SNX29: variants seen among roughly 807,000 people sequenced by gnomAD.
The protein encoded by SNX29 is sorting nexin 29, also known as sorting nexin-29.
A neutral mutation model predicts 102.1 loss-of-function variants in SNX29; 78 were observed. That is an observed-to-expected ratio of 0.76 (90% confidence interval 0.64 to 0.92). SNX29 has a LOEUF of 0.92. Ranked by LOEUF, SNX29 falls within the 40% of genes least tolerant of loss-of-function variation. The pLI is 0.00. For missense variants in SNX29, 1,280 were observed against 1,061.7 expected (o/e 1.21, Z -2.86); for synonymous variants, 580 against 414.5 (o/e 1.40, Z -4.85).
At chr16:12,436,191 TGCA>T (rs1203666101) in intron 18 of SNX29, among the ~76,000 whole-genome samples, 1 of 152,132 alleles carries the variant, frequency 6.6e-6, no homozygotes, top group Non-Finnish European at 1.5e-5. Flanking sequence ...TATGCTCTGC[TGCA>T]GCCCCCGGAA....
chr16:12,378,280 G>A (rs949278135), intron 16 of SNX29, among the ~76,000 whole-genome samples: 2 of 152,188 alleles, frequency 1.3e-5, no homozygotes, highest in African/African-American at 4.8e-5. Context: ...GCTGGTATGT[G>A]CAGAGATCAC....
chr16:12,516,946 T>C (rs1219646778), intron 19 of SNX29, among the ~76,000 whole-genome samples: 1 of 152,238 alleles, frequency 6.6e-6, no homozygotes, highest in Non-Finnish European at 1.5e-5. Flanking sequence ...CTATTCTTCA[T>C]TTGATGATAA....
At chr16:12,223,047 T>C (rs534494277) in intron 14 of SNX29, among the ~76,000 whole-genome samples, 2 of 152,356 alleles carry the variant, frequency 1.3e-5, no homozygotes, top group African/African-American at 2.4e-5. Context: ...CTCTGGCTCT[T>C]GTCTCCTTTT....
chr16:12,280,077 GT>G (rs1244356861), intron 15 of SNX29, among the ~76,000 whole-genome samples: 1 of 152,204 alleles, frequency 6.6e-6, no homozygotes, highest in African/African-American at 2.4e-5. Flanking sequence ...TTGATTGGGT[GT>G]TTGACCCTCT....
chr16:12,144,442 G>A (rs1015899007), intron 13 of SNX29, among the ~76,000 whole-genome samples: 2 of 152,218 alleles, frequency 1.3e-5, no homozygotes, highest in Admixed American at 6.5e-5. Context: ...AGTATAAAAA[G>A]GTGGTACCAC....
At chr16:12,218,995 C>T (rs535097329) in intron 14 of SNX29, among the ~76,000 whole-genome samples, 82 of 152,172 alleles carry the variant, frequency 5.4e-4, no homozygotes, top group African/African-American at 1.8e-3. Flanking sequence ...AGGTTGGTCT[C>T]GATCTCCTGA....
At chr16:12,074,061 G>A (rs1291939955) in intron 10 of SNX29, among the ~76,000 whole-genome samples, 1 of 151,862 alleles carries the variant, frequency 6.6e-6, no homozygotes, top group Non-Finnish European at 1.5e-5. Flanking sequence ...GCCTATGTGT[G>A]TCTCTGCACG....
chr16:12,079,013 T>G, intron 11 of SNX29, 98 bp downstream of exon 11: 1 of 1,058,630 alleles, frequency 9.4e-7, no homozygotes, highest in East Asian at 2.6e-5. Flanking sequence ...GACTGTGGGT[T>G]CACGTCAGGT....
At chr16:12,336,072 G>A (rs2081440055) in intron 15 of SNX29, among the ~76,000 whole-genome samples, 1 of 152,142 alleles carries the variant, frequency 6.6e-6, no homozygotes, top group Admixed American at 6.5e-5. Context: ...CAAAGAAGAA[G>A]AACCAGCTGG....
intron 19 of SNX29, among the ~76,000 whole-genome samples, chr16:12,494,008 A>G (rs191638950): frequency 2.7e-4 from 41 of 151,748 alleles, no homozygotes; most frequent in Admixed American, 2.6e-3. Flanking sequence ...TCCTTTGGCT[A>G]TTTTTCTTCT....
intron 14 of SNX29, among the ~76,000 whole-genome samples, chr16:12,244,316 A>G (rs1429363061): frequency 6.6e-6 from 1 of 152,144 alleles, no homozygotes; most frequent in Non-Finnish European, 1.5e-5. Context: ...TTTCCTTGAT[A>G]AAATCATACA....
chr16:12,485,707 C>T (rs575820376), intron 19 of SNX29, among the ~76,000 whole-genome samples: 67 of 152,168 alleles, frequency 4.4e-4, no homozygotes, highest in African/African-American at 1.2e-3. Flanking sequence ...GCATTGAAGG[C>T]GAATTAAGGT....
At position 12,235,513 on chromosome 16, in the gene SNX29, A is replaced by G. The variant is rs139257783; in HGVS notation, c.1678+35830A>G. On this transcript the variant is annotated intron_variant, in intron 14 of 20. Transcript: ENST00000566228. The stretch of plus-strand genomic sequence containing the variant: ...ACTGCTTGAGTTTGTCAGGAGTTTT[A>G]TTATGGAAATCACTATTTCTGCCTT... Among the ~76,000 whole-genome samples the G allele has an allele frequency of 3.7e-3, 560 of 152,148 alleles. 4 individuals are homozygous for G. Among genetic ancestry groups the G allele is most frequent in the African/African-American group, 0.013 (533 of 41,492 alleles).
At chr16:12,367,956 G>C (rs2082545466) in intron 16 of SNX29, among the ~76,000 whole-genome samples, 1 of 152,344 alleles carries the variant, frequency 6.6e-6, no homozygotes, top group Middle Eastern at 3.4e-3. Flanking sequence ...TAAACCTCTA[G>C]ATCGAGAGAA....
At chr16:12,430,123 G>A (rs149864272) in intron 18 of SNX29, among the ~76,000 whole-genome samples, 1 of 152,344 alleles carries the variant, frequency 6.6e-6, no homozygotes, top group East Asian at 1.9e-4. Context: ...AAGGGATCTA[G>A]GTTTCATGCT....
At chr16:12,457,626 C>T (rs913399490) in intron 18 of SNX29, among the ~76,000 whole-genome samples, 1 of 152,168 alleles carries the variant, frequency 6.6e-6, no homozygotes, top group Non-Finnish European at 1.5e-5. Flanking sequence ...TGGGCAAGGC[C>T]CTGTTCACAC....
rs1342329802 is a variant in SNX29 at position 12,572,058 on chromosome 16, C to A, written c.*3429C>A. The A allele has an allele frequency of 1.6e-5, 17 of 1,063,378 alleles. No individual in the cohort carries two copies. The highest frequency in any genetic ancestry group is 1.8e-5 in the Non-Finnish European group (16 of 878,122). 65.9% of individuals were successfully genotyped at this position (1,063,378 alleles called of 1,614,324 possible). ...TCCAGTGGAGTTGTAAACAAGGGAA[C>A]CATCTTGCAAGATCTAGGAAGAGGA... On this transcript the variant is annotated 3_prime_UTR_variant, in exon 21 of 21. Transcript: ENST00000566228.
chr16:12,460,412 C>G (rs2086728065), intron 18 of SNX29, among the ~76,000 whole-genome samples: 1 of 152,162 alleles, frequency 6.6e-6, no homozygotes, highest in South Asian at 2.1e-4. Flanking sequence ...TTGGAAAGGT[C>G]TTAGTGTAAC....
At chr16:12,033,890 T>C (rs1457558461) in intron 4 of SNX29, among the ~76,000 whole-genome samples, 2 of 152,120 alleles carry the variant, frequency 1.3e-5, no homozygotes, top group Non-Finnish European at 2.9e-5. Flanking sequence ...TACAGGCTCA[T>C]CCTTGTAGCT....
Sources: allele counts gnomAD v4.1 joint callset (sites outside exome capture counted in the v4.1 genomes callset), GRCh38; gene constraint gnomAD v4.1.1; transcripts MANE v1.5; gene names NCBI Gene and HGNC (gene_info 2026-07-23, HGNC 2026-07-21).